DBF4: variants seen among roughly 807,000 people sequenced by gnomAD.
DBF4 encodes the protein protein DBF4 homolog A.
Under a neutral mutation model 76.6 loss-of-function variants are expected in DBF4, and 25 were observed. The ratio of observed to expected loss-of-function variants is 0.33; its 90% CI spans 0.24 to 0.46. DBF4 has a LOEUF of 0.46. Ranked by LOEUF, DBF4 falls within the 20% of genes least tolerant of loss-of-function variation. The pLI, the probability that DBF4 is intolerant of heterozygous loss-of-function variation, is 1.00. For missense variants in DBF4, 638 were observed against 760.8 expected (o/e 0.84, Z 1.90); for synonymous variants, 213 against 258.0 (o/e 0.83, Z 1.67).
At chr7:87,895,608 G>C (rs1385762585) in intron 6 of DBF4, among the ~76,000 whole-genome samples, 1 of 151,752 alleles carries the variant, frequency 6.6e-6, no homozygotes, top group Admixed American at 6.6e-5. Flanking sequence ...TGCTGCGTTG[G>C]GTCTATCCTT....
In DBF4 at chr7:87,908,832, A is replaced by G. The variant is rs946971576; in HGVS notation, c.*669A>G. ...CCTGTGGCTCATGCCACAGGATCCC[A>G]GCACTTTGGGAGGCCGAGGCAGGCT... On this transcript the variant is annotated 3_prime_UTR_variant, in exon 12 of 12. Coordinates refer to ENST00000265728, the MANE Select transcript of DBF4 (RefSeq NM_006716.4). 1 of 152,246 alleles carries G rather than the reference A, an allele frequency of 6.6e-6. No individual in the cohort carries two copies. Among genetic ancestry groups the G allele is most frequent in the Non-Finnish European group, 1.5e-5 (1 of 68,058 alleles). 9.4% of individuals were successfully genotyped at this position (152,246 alleles called of 1,614,324 possible).
At chr7:87,900,626 GA>G (rs1049927204) in intron 9 of DBF4, 137 bp from the exon 10 acceptor site, 11 of 732,718 alleles carry the variant, frequency 1.5e-5, no homozygotes, top group Non-Finnish European at 2.4e-5. Context: ...ATAGTATAAA[GA>G]AATATGATTA....
At chr7:87,894,673 C>T (rs1839586451) in intron 6 of DBF4, among the ~76,000 whole-genome samples, 1 of 152,136 alleles carries the variant, frequency 6.6e-6, no homozygotes, top group Non-Finnish European at 1.5e-5. Context: ...CATATCTTTA[C>T]TGGAAAAAGA....
intron 2 of DBF4, among the ~76,000 whole-genome samples, chr7:87,881,135 G>A (rs184126495): frequency 2.6e-5 from 4 of 152,296 alleles, no homozygotes; most frequent in South Asian, 4.1e-4. Flanking sequence ...AGCCAGGCTC[G>A]GAGGCTCACG....
At chr7:87,904,845 G>A (rs920366755) in intron 11 of DBF4, among the ~76,000 whole-genome samples, 2 of 152,138 alleles carry the variant, frequency 1.3e-5, no homozygotes, top group Admixed American at 6.5e-5. Context: ...ATGTAAATAT[G>A]GTTAAAAACC....
intron 3 of DBF4, among the ~76,000 whole-genome samples, chr7:87,885,688 A>T (rs758199434): frequency 6.6e-6 from 1 of 152,244 alleles, no homozygotes; most frequent in Non-Finnish European, 1.5e-5. Context: ...TTGTTTAGGT[A>T]TAATCTGTAG....
chr7:87,890,973 A>G (rs910681586), intron 6 of DBF4, among the ~76,000 whole-genome samples: 2 of 152,172 alleles, frequency 1.3e-5, no homozygotes, highest in Non-Finnish European at 2.9e-5. Context: ...GTTTCTGGAA[A>G]ATTTTTAGTT....
At chr7:87,891,885 T>G (rs181645140) in intron 6 of DBF4, among the ~76,000 whole-genome samples, 9 of 152,358 alleles carry the variant, frequency 5.9e-5, no homozygotes, top group Non-Finnish European at 1.2e-4. Flanking sequence ...TCTTTTATCT[T>G]AATGCTATAA....
chr7:87,895,889 C>T (rs958985644), intron 6 of DBF4, among the ~76,000 whole-genome samples: 2 of 152,142 alleles, frequency 1.3e-5, no homozygotes, highest in East Asian at 3.9e-4. Context: ...TATTTTTGGC[C>T]ACTTGAACCT....
At chr7:87,900,908 G>A in intron 10 of DBF4, 30 bp downstream of exon 10, 1 of 1,569,702 alleles carries the variant, frequency 6.4e-7, no homozygotes, top group South Asian at 1.1e-5. Context: ...TTGGGGGCTT[G>A]TTTCGAAAAC....
At chr7:87,886,584 T>TATAAA (rs1304670780) in intron 3 of DBF4, among the ~76,000 whole-genome samples, 1 of 143,224 alleles carries the variant, frequency 7.0e-6, no homozygotes, top group Non-Finnish European at 1.5e-5. Flanking sequence ...GAAAACAGTA[T>TATAAA]ATAAAATTTA....
intron 6 of DBF4, among the ~76,000 whole-genome samples, chr7:87,891,170 T>C (rs1391554699): frequency 1.3e-5 from 2 of 150,826 alleles, no homozygotes; most frequent in Admixed American, 6.6e-5. Flanking sequence ...GTTTGGGCTT[T>C]TCTTTTTTTT....
chr7:87,876,807 C>A, intron 1 of DBF4, 29 bp downstream of exon 1: 1 of 1,611,936 alleles, frequency 6.2e-7, no homozygotes, highest in Non-Finnish European at 8.5e-7. Flanking sequence ...GCCTGCAGTC[C>A]CTTTAATCCT....
intron 2 of DBF4, among the ~76,000 whole-genome samples, chr7:87,882,911 TA>T (rs767233629): frequency 5.0e-4 from 76 of 152,114 alleles, no homozygotes; most frequent in Non-Finnish European, 1.0e-3. Context: ...CTGAAAAAAG[TA>T]AAAAATTGAA....
Position 87,907,249 on chromosome 7 carries a change from CA to C in DBF4, c.1115del (p.Lys372ArgfsTer21), listed in dbSNP as rs1562768417. 1 of 1,613,190 alleles carries C rather than the reference CA, an allele frequency of 6.2e-7. No homozygotes were observed. The highest frequency in any genetic ancestry group is 1.7e-5 in the Admixed American group (1 of 59,926). Reference protein sequence around the residue: ...VSASVLKKTEQKEKVELQHIS... With the variant: ...VSASVLKKTEXKEKVELQHIS... ...TGCAAGTGTCCTGAAAAAGACTGAA[CA>C]AAAGGAAAAAGTGGAATTGCAACAT... On this transcript the variant is annotated frameshift_variant, in exon 12 of 12. Coordinates refer to ENST00000265728, the MANE Select transcript of DBF4 (RefSeq NM_006716.4). LOFTEE classifies it high-confidence loss of function.
Position 87,900,744 on chromosome 7 carries a change from C to A in DBF4, c.810-20C>A. The A allele has an allele frequency of 1.3e-6, 2 of 1,585,742 alleles. No homozygotes were observed. The highest frequency in any genetic ancestry group is 1.1e-5 in the South Asian group (1 of 89,224). On this transcript the variant is annotated intron_variant, in intron 9 of 11. Transcript: ENST00000265728. ...CTTAGGTTCAGCAGTTAATTCTTTA[C>A]CATGTATGTCTGTCATCAGAATCCA...
intron 6 of DBF4, chr7:87,896,157 T>G (rs558050641): frequency 8.1e-6 from 2 of 248,310 alleles, no homozygotes; most frequent in South Asian, 1.2e-4. Context: ...CTAATTTCTT[T>G]ATTCAATTTA....
At chr7:87,880,696 T>C (rs971731204) in intron 2 of DBF4, among the ~76,000 whole-genome samples, 1 of 152,206 alleles carries the variant, frequency 6.6e-6, no homozygotes, top group African/African-American at 2.4e-5. Context: ...GAAAACATCT[T>C]AATATCCCAT....
intron 6 of DBF4, among the ~76,000 whole-genome samples, chr7:87,892,475 C>T (rs2131058353): frequency 6.6e-6 from 1 of 152,246 alleles, no homozygotes; most frequent in African/African-American, 2.4e-5. Context: ...ACAGTTTATC[C>T]ATTTACCTAC....
Sources: allele counts gnomAD v4.1 joint callset (sites outside exome capture counted in the v4.1 genomes callset), GRCh38; gene constraint gnomAD v4.1.1; transcripts MANE v1.5; gene names NCBI Gene and HGNC (gene_info 2026-07-23, HGNC 2026-07-21).